The following CSMD3 variants were observed in gnomAD, a reference collection of about 807,000 sequenced individuals.
CSMD3 encodes the protein CUB and sushi domain-containing protein 3.
CSMD3 carries 177 observed loss-of-function variants against 435.2 expected under a neutral mutation model. The observed-to-expected ratio is 0.41, with a 90% CI of 0.36 to 0.46. The LOEUF is 0.46. CSMD3 is among the 20% of genes least tolerant of loss of function. CSMD3 has a pLI of 0.34. For missense variants in CSMD3, 4,265 were observed against 4,504.6 expected (o/e 0.95, Z 1.52); for synonymous variants, 1,656 against 1,520.5 (o/e 1.09, Z -2.07).
At chr8:113,159,506 C>G (rs1282336601) in intron 4 of CSMD3, among the ~76,000 whole-genome samples, 1 of 151,898 alleles carries the variant, frequency 6.6e-6, no homozygotes, top group Non-Finnish European at 1.5e-5. Context: ...GTAAGTAAAT[C>G]TCTCCTGCCC....
intron 16 of CSMD3, 36 bp from the exon 17 acceptor site, chr8:112,666,451 T>C: frequency 6.3e-7 from 1 of 1,594,580 alleles, no homozygotes; most frequent in Non-Finnish European, 8.6e-7. Flanking sequence ...GAATAAAACA[T>C]TCAAGATAAA....
chr8:112,320,800 A>G (rs1450532532), intron 45 of CSMD3, among the ~76,000 whole-genome samples: 2 of 152,144 alleles, frequency 1.3e-5, no homozygotes, highest in Admixed American at 1.3e-4. Flanking sequence ...TCAAGAAGCT[A>G]TAACGTGACA....
intron 11 of CSMD3, among the ~76,000 whole-genome samples, chr8:112,858,160 GCAA>G (rs1218415922): frequency 1.3e-5 from 2 of 151,496 alleles, no homozygotes; most frequent in African/African-American, 4.8e-5. Flanking sequence ...TTCCCGGGAG[GCAA>G]TATATACTTT....
intron 10 of CSMD3, among the ~76,000 whole-genome samples, chr8:112,862,310 G>C (rs751027613): frequency 1.3e-5 from 2 of 151,914 alleles, no homozygotes; most frequent in Non-Finnish European, 2.9e-5. Flanking sequence ...AACAAACATA[G>C]CTAATTCTAT....
chr8:113,323,060 A>G (rs2093959902), intron 1 of CSMD3, among the ~76,000 whole-genome samples: 2 of 152,032 alleles, frequency 1.3e-5, no homozygotes, highest in African/African-American at 4.8e-5. Context: ...TGGCTGGCTT[A>G]CTTTTTTAAT....
At chr8:113,128,846 G>A (rs560362296) in intron 4 of CSMD3, among the ~76,000 whole-genome samples, 2 of 152,018 alleles carry the variant, frequency 1.3e-5, no homozygotes, top group South Asian at 2.1e-4. Context: ...GGTGCTAAGC[G>A]AATACAGTTT....
chr8:112,427,059 C>T (rs1386269810), intron 32 of CSMD3, among the ~76,000 whole-genome samples: 1 of 152,082 alleles, frequency 6.6e-6, no homozygotes, highest in African/African-American at 2.4e-5. Flanking sequence ...ATAAATTGAG[C>T]TACCACAAGT....
chr8:112,285,259 T>C (rs1226831911), intron 58 of CSMD3, among the ~76,000 whole-genome samples: 1 of 152,146 alleles, frequency 6.6e-6, no homozygotes, highest in Non-Finnish European at 1.5e-5. Flanking sequence ...CTACACAATG[T>C]TGCATGTATA....
chr8:113,036,568 G>T (rs958141490), intron 5 of CSMD3, among the ~76,000 whole-genome samples: 1 of 151,986 alleles, frequency 6.6e-6, no homozygotes, highest in Non-Finnish European at 1.5e-5. Context: ...TAATTACAGA[G>T]CAACATGTGC....
chr8:112,408,434 T>TAAGATATC, intron 33 of CSMD3, 21 bp from the exon 34 acceptor site: 4 of 1,351,790 alleles, frequency 3.0e-6, no homozygotes, highest in Non-Finnish European at 4.2e-6. Flanking sequence ...AAACAAACAC[T>TAAGATATC]AAGATATCAT....
chr8:112,401,083 C>T (rs1028568012), intron 35 of CSMD3, among the ~76,000 whole-genome samples: 1 of 152,034 alleles, frequency 6.6e-6, no homozygotes, highest in Non-Finnish European at 1.5e-5. Context: ...GTAGTGCATG[C>T]CTGTAATCCT....
rs2091355192 is a variant in CSMD3, at chr8:113,134,126, T to C, written c.710-35163A>G. On this transcript the variant is annotated intron_variant, in intron 4 of 70. Coordinates refer to ENST00000297405, the MANE Select transcript of CSMD3 (RefSeq NM_198123.2). ...ATTAGCATTTACAGATTGCAAACTG[T>C]AGTGATTAGAAGGATTAATAAATTC... Among the ~76,000 whole-genome samples the C allele has an allele frequency of 2.0e-5, 3 of 152,130 alleles. No homozygotes were observed. In the South Asian group the frequency reaches 6.2e-4, roughly 31 times the overall value.
chr8:112,947,943 A>G (rs2083673570), intron 8 of CSMD3, 66 bp from the exon 9 acceptor site: 1 of 714,744 alleles, frequency 1.4e-6, no homozygotes, highest in Non-Finnish European at 2.6e-6. Context: ...GATGATATTA[A>G]TTTTAAAATA....
chr8:112,868,611 G>A (rs1211188254), intron 10 of CSMD3, among the ~76,000 whole-genome samples: 2 of 152,148 alleles, frequency 1.3e-5, no homozygotes, highest in East Asian at 3.9e-4. Flanking sequence ...ACACATGACT[G>A]TATATGCAAA....
Position 112,962,455 on chromosome 8 carries a change from C to T in CSMD3, c.1343-7694G>A, listed in dbSNP as rs112151916. Among the ~76,000 whole-genome samples the T allele has an allele frequency of 8.1e-3, 1,223 of 151,700 alleles. 12 individuals are homozygous for T. The highest frequency in any genetic ancestry group is 0.028 in the African/African-American group (1,143 of 41,432). On this transcript the variant is annotated intron_variant, in intron 7 of 70. Coordinates refer to ENST00000297405, the MANE Select transcript of CSMD3 (RefSeq NM_198123.2). ...GAAAAACAGCAGCCAAAGTTAATGA[C>T]TTTCTTCAGACTGTGGACAGTGGCA...
rs566307652 is a variant in CSMD3, at chr8:113,085,910, A to T, written c.917+12846T>A. On this transcript the variant is annotated intron_variant, in intron 5 of 70. Transcript: ENST00000297405. ...AATAATTCATTGTGTCTGTTCAAAA[A>T]GCTAGAAGAAAGGATTTTGAATGTT... 3.3e-5 allele frequency among the ~76,000 whole-genome samples: 5 copies of T among 152,284 alleles called. No individual in the cohort carries two copies. The South Asian group carries it at 1.0e-3, about 32-fold the overall frequency.
chr8:112,946,994 TA>T (rs1249213336), intron 9 of CSMD3, among the ~76,000 whole-genome samples: 3 of 151,538 alleles, frequency 2.0e-5, no homozygotes, highest in Non-Finnish European at 4.4e-5. Flanking sequence ...AATGAATAAG[TA>T]AAAATAAAAA....
At chr8:113,099,137 C>A (rs1480463) in intron 4 of CSMD3, among the ~76,000 whole-genome samples, 174 bp from the exon 5 acceptor site, 102,193 of 151,944 alleles carry the variant, frequency 0.67, 35,977 homozygotes, top group East Asian at 0.95. Context: ...AAAAATGTAT[C>A]AGCACATATA....
intron 22 of CSMD3, among the ~76,000 whole-genome samples, chr8:112,630,889 G>A (rs1042308571): frequency 2.8e-5 from 4 of 144,444 alleles, no homozygotes; most frequent in Non-Finnish European, 4.5e-5. Flanking sequence ...TTGAGTATAC[G>A]GATAGATTTT....
Sources: gnomAD v4.1 joint callset for allele counts (sites outside exome capture counted in the v4.1 genomes callset) on GRCh38, gnomAD v4.1.1 for gene constraint, MANE v1.5 for transcripts, NCBI Gene and HGNC (gene_info 2026-07-23, HGNC 2026-07-21) for gene names.